OR2L13: variants seen among roughly 807,000 people sequenced by gnomAD.
OR2L13 encodes the protein olfactory receptor 2L13.
In OR2L13, 14 loss-of-function variants were observed where a neutral mutation model predicts 15.3. That is an observed-to-expected ratio of 0.91 (90% confidence interval 0.60 to 1.43). The LOEUF (loss-of-function observed/expected upper bound fraction) is 1.43, where lower values mean the gene tolerates loss of function less well. OR2L13 is among the 40% of genes most tolerant of loss of function. The probability of loss-of-function intolerance (pLI) is 0.00; values close to 1 mark genes in which losing one functional copy is unlikely to be tolerated. For missense variants in OR2L13, 367 were observed against 387.9 expected, an observed-to-expected ratio of 0.95 and a Z score of 0.45; for synonymous variants, 152 against 142.9, an observed-to-expected ratio of 1.06 and a Z score of -0.45.
the OR2L13 span, chr1:248,003,144 A>C: frequency 7.3e-7 from 1 of 1,364,254 alleles, no homozygotes; most frequent in Non-Finnish European, 1.0e-6. Flanking sequence ...GAAAATTGCA[A>C]TCAAACATCA....
chr1:248,084,055 C>G, the OR2L13 span: 6 of 1,610,938 alleles, frequency 3.7e-6, no homozygotes, highest in Non-Finnish European at 4.2e-6. Context: ...CGCACCAGCA[C>G]GGGGGCCTCG....
chr1:248,068,855 A>G, the OR2L13 span, among the ~76,000 whole-genome samples: 1 of 152,246 alleles, frequency 6.6e-6, no homozygotes, highest in East Asian at 1.9e-4. Context: ...GATGCAATCA[A>G]CTGGAAGAAA....
chr1:248,061,675 A>G, the OR2L13 span: 1 of 1,418,086 alleles, frequency 7.1e-7, no homozygotes, highest in Non-Finnish European at 9.5e-7. Context: ...CCAGCAGTGT[A>G]TAGTAATTAA....
At chr1:247,942,719 G>A in the OR2L13 span, among the ~76,000 whole-genome samples, 80 of 152,186 alleles carry the variant, frequency 5.3e-4, no homozygotes, top group Middle Eastern at 6.8e-3. Context: ...ATTTTTATTA[G>A]GGTAAATATA....
chr1:248,016,494 G>T, the OR2L13 span, among the ~76,000 whole-genome samples: 2 of 152,010 alleles, frequency 1.3e-5, no homozygotes, highest in Non-Finnish European at 2.9e-5. Flanking sequence ...TTAAATGATT[G>T]AATTTTAGCC....
chr1:248,095,623 T>TTTTTTTTTTTTTC (rs1037934922), upstream of OR2L13, among the ~76,000 whole-genome samples: 23 of 130,520 alleles, frequency 1.8e-4, 2 homozygotes, highest in African/African-American at 6.4e-4. Flanking sequence ...TTTTTTTTTT[T>TTTTTTTTTTTTTC]TGAGATGGAG....
the OR2L13 span, among the ~76,000 whole-genome samples, chr1:248,077,845 CAA>C: frequency 2.3e-3 from 355 of 151,918 alleles, no homozygotes; most frequent in African/African-American, 8.1e-3. Flanking sequence ...AGACTATGAG[CAA>C]AAGAGTTAAA....
the OR2L13 span, among the ~76,000 whole-genome samples, chr1:247,937,699 T>C: frequency 6.6e-6 from 1 of 151,910 alleles, no homozygotes; most frequent in African/African-American, 2.4e-5. Context: ...TCTCCCAGGC[T>C]CAGCTGCCGC....
At chr1:248,062,074 T>C in the OR2L13 span, 2 of 159,246 alleles carry the variant, frequency 1.3e-5, no homozygotes, top group African/African-American at 4.8e-5. Context: ...GTCTTTCTTA[T>C]CTTAGACACT....
the OR2L13 span, among the ~76,000 whole-genome samples, chr1:248,049,821 T>C: frequency 6.6e-6 from 1 of 152,158 alleles, no homozygotes; most frequent in Non-Finnish European, 1.5e-5. Flanking sequence ...TTTTGAGGGA[T>C]GAACTACACC....
chr1:247,969,848 T>C, the OR2L13 span, among the ~76,000 whole-genome samples: 1 of 152,200 alleles, frequency 6.6e-6, no homozygotes, highest in Non-Finnish European at 1.5e-5. Context: ...AGCCATGGAA[T>C]ACTAGGAACC....
the OR2L13 span, among the ~76,000 whole-genome samples, chr1:247,971,929 A>T: frequency 1.6e-4 from 25 of 152,342 alleles, no homozygotes; most frequent in African/African-American, 6.0e-4. Flanking sequence ...CTCTGAGACC[A>T]CAGTGCAATC....
At chr1:248,077,465 C>G in the OR2L13 span, among the ~76,000 whole-genome samples, 1 of 152,168 alleles carries the variant, frequency 6.6e-6, no homozygotes, top group Non-Finnish European at 1.5e-5. Flanking sequence ...GTGAATCTGT[C>G]TGGTCCTGGA....
the OR2L13 span, among the ~76,000 whole-genome samples, chr1:248,017,935 G>A: frequency 5.9e-5 from 9 of 151,852 alleles, no homozygotes; most frequent in African/African-American, 1.9e-4. Flanking sequence ...AAATACATTC[G>A]TATCGAGACC....
the OR2L13 span, among the ~76,000 whole-genome samples, chr1:247,970,759 CTTTA>C: frequency 2.0e-5 from 3 of 152,102 alleles, no homozygotes; most frequent in South Asian, 2.1e-4. Flanking sequence ...ACTCACGTAA[CTTTA>C]TTTATTCAGA....
chr1:248,062,776 G>C, the OR2L13 span: 1 of 152,180 alleles, frequency 6.6e-6, no homozygotes, highest in South Asian at 2.1e-4. Context: ...TATTTGAGGT[G>C]ATGGTTACCC....
the OR2L13 span, among the ~76,000 whole-genome samples, chr1:248,077,070 A>G: frequency 3.3e-5 from 5 of 152,050 alleles, no homozygotes; most frequent in African/African-American, 7.3e-5. Flanking sequence ...GAATTTTGTC[A>G]AAGGCCTTTT....
chr1:248,052,421 G>A, the OR2L13 span, among the ~76,000 whole-genome samples: 1 of 152,078 alleles, frequency 6.6e-6, no homozygotes, highest in Non-Finnish European at 1.5e-5. Context: ...ATAGCTTCGA[G>A]TAAGTTTTAA....
the OR2L13 span, chr1:248,083,491 A>G: frequency 3.4e-5 from 24 of 697,772 alleles, no homozygotes; most frequent in Non-Finnish European, 5.4e-5. Context: ...CTCTCAATAC[A>G]ATTAGCTCAC....
Sources: allele counts gnomAD v4.1 joint callset (sites outside exome capture counted in the v4.1 genomes callset), GRCh38; gene constraint gnomAD v4.1.1; transcripts MANE v1.5; gene names NCBI Gene and HGNC (gene_info 2026-07-23, HGNC 2026-07-21).